The following KCNK2 variants were observed in gnomAD, a reference collection of about 807,000 sequenced individuals.
KCNK2 encodes the protein potassium channel subfamily K member 2.
KCNK2 carries 21 observed loss-of-function variants against 40.5 expected under a neutral mutation model. The observed-to-expected ratio is 0.52, with a 90% CI of 0.37 to 0.75. The LOEUF (loss-of-function observed/expected upper bound fraction) is 0.75. Among genes scored for constraint, KCNK2 ranks in the 30% least tolerant of loss-of-function variants. The pLI, the probability that KCNK2 is intolerant of heterozygous loss-of-function variation, is 0.00. For synonymous variants in KCNK2, 191 were observed against 202.2 expected (o/e 0.94, Z 0.47); for missense variants, 399 against 531.6 (o/e 0.75, Z 2.45).
chr1:215,222,725 C>T (rs1449416498), intron 6 of KCNK2, among the ~76,000 whole-genome samples: 1 of 132,964 alleles, frequency 7.5e-6, no homozygotes. Context: ...CTTAAATAAT[C>T]CTTTTAGGCT....
intron 1 of KCNK2, among the ~76,000 whole-genome samples, chr1:215,022,535 G>T (rs2102479302): frequency 6.6e-6 from 1 of 152,198 alleles, no homozygotes; most frequent in East Asian, 1.9e-4. Flanking sequence ...TTTTTTGGCT[G>T]AATACCTTAT....
At chr1:215,204,302 T>G (rs1038380866) in intron 6 of KCNK2, among the ~76,000 whole-genome samples, 1 of 151,804 alleles carries the variant, frequency 6.6e-6, no homozygotes, top group Non-Finnish European at 1.5e-5. Context: ...GGTTGAATTC[T>G]CAGTATAAAT....
intron 3 of KCNK2, among the ~76,000 whole-genome samples, chr1:215,142,574 T>G (rs1392837167): frequency 1.3e-5 from 2 of 152,192 alleles, no homozygotes; most frequent in East Asian, 3.9e-4. Flanking sequence ...ACGTTACTTG[T>G]TTTTACTTTG....
intron 1 of KCNK2, among the ~76,000 whole-genome samples, chr1:215,031,707 C>A (rs1657196094): frequency 6.6e-6 from 1 of 152,056 alleles, no homozygotes; most frequent in Non-Finnish European, 1.5e-5. Context: ...TTTCAAATTC[C>A]ACTTGTTCAT....
chr1:215,023,762 C>A (rs769379030), intron 1 of KCNK2, among the ~76,000 whole-genome samples: 3 of 152,206 alleles, frequency 2.0e-5, no homozygotes, highest in Non-Finnish European at 2.9e-5. Flanking sequence ...AAACACTTGG[C>A]TTTCCAGGTG....
At chr1:215,172,641 C>A (rs1663768675) in intron 5 of KCNK2, among the ~76,000 whole-genome samples, 2 of 151,716 alleles carry the variant, frequency 1.3e-5, no homozygotes. Flanking sequence ...TTTACAGGAG[C>A]CTTCTATTAT....
intron 1 of KCNK2, among the ~76,000 whole-genome samples, chr1:215,026,946 T>C (rs377300865): frequency 6.6e-6 from 1 of 152,098 alleles, no homozygotes; most frequent in African/African-American, 2.4e-5. Context: ...TTTTCATTCT[T>C]ACAACAGGAT....
intron 6 of KCNK2, among the ~76,000 whole-genome samples, chr1:215,232,553 G>A (rs1280680033): frequency 6.6e-6 from 1 of 152,134 alleles, no homozygotes; most frequent in Non-Finnish European, 1.5e-5. Context: ...GGTACTTATT[G>A]GAAATGTGCC....
chr1:215,171,947 C>T (rs1558123886), intron 4 of KCNK2, 50 bp from the exon 5 acceptor site: 9 of 1,183,800 alleles, frequency 7.6e-6, no homozygotes, highest in South Asian at 1.7e-5. Context: ...TCTCTCCCCC[C>T]ATTTATATAC....
intron 1 of KCNK2, among the ~76,000 whole-genome samples, chr1:215,022,630 C>T (rs571028620): frequency 2.8e-4 from 43 of 152,216 alleles, no homozygotes; most frequent in African/African-American, 9.9e-4. Flanking sequence ...AGTTCCAGGT[C>T]ACGGGCTCCA....
At chr1:215,049,800 A>T (rs1400147590) in intron 1 of KCNK2, among the ~76,000 whole-genome samples, 2 of 152,094 alleles carry the variant, frequency 1.3e-5, no homozygotes, top group Non-Finnish European at 2.9e-5. Flanking sequence ...TTTGTGAAAA[A>T]TTAGTTGGGG....
Position 215,083,101 on chromosome 1 carries a change from G to A in KCNK2, c.-285G>A, listed in dbSNP as rs1659242976. The A allele has an allele frequency of 4.1e-6, 2 of 482,658 alleles. No individual in the cohort carries two copies. Among genetic ancestry groups the A allele is most frequent in the Non-Finnish European group, 7.0e-6 (2 of 284,020 alleles). 29.9% of individuals were successfully genotyped at this position (482,658 alleles called of 1,614,324 possible). ...GGCCCGGCAGCAGGCGCGCGCGGGGGCGGCGGCGCCCAAGCCCAACTTGGC... is the reference window on the plus strand; with the variant it reads ...GGCCCGGCAGCAGGCGCGCGCGGGGACGGCGGCGCCCAAGCCCAACTTGGC... On this transcript the variant is annotated 5_prime_UTR_variant, in exon 1 of 7. Transcript: ENST00000444842.
At chr1:215,205,623 G>C (rs1019615393) in intron 6 of KCNK2, among the ~76,000 whole-genome samples, 4 of 152,276 alleles carry the variant, frequency 2.6e-5, no homozygotes, top group Admixed American at 2.6e-4. Context: ...GATCATGGAT[G>C]CCATGTCAGC....
rs183304829 is a variant in KCNK2, at chr1:215,160,065, A to G, written c.476-9134A>G. 8.5e-4 allele frequency among the ~76,000 whole-genome samples: 130 copies of G among 152,370 alleles called. 1 individual carries two copies. Among genetic ancestry groups the G allele is most frequent in the African/African-American group, 3.0e-3 (124 of 41,592 alleles). ...CTATTCTGGGAGATTAAAGGAAACT[A>G]AACAGATATGCCAGTTAAATACAAT... On this transcript the variant is annotated intron_variant, in intron 3 of 6. Transcript: ENST00000444842.
chr1:215,226,345 G>A (rs866680089), intron 6 of KCNK2, among the ~76,000 whole-genome samples: 3 of 151,900 alleles, frequency 2.0e-5, no homozygotes, highest in African/African-American at 7.3e-5. Flanking sequence ...TTTGTTTTTT[G>A]AGACAGCGTC....
At chr1:215,077,253 A>G (rs1173933908) in intron 1 of KCNK2, among the ~76,000 whole-genome samples, 1 of 152,166 alleles carries the variant, frequency 6.6e-6, no homozygotes, top group East Asian at 1.9e-4. Flanking sequence ...TGCCTTTGGA[A>G]GGACATCAGA....
chr1:215,031,630 T>G (rs1444663793), intron 1 of KCNK2, among the ~76,000 whole-genome samples: 1 of 142,382 alleles, frequency 7.0e-6, no homozygotes, highest in Non-Finnish European at 1.6e-5. Flanking sequence ...TGAAACAATA[T>G]GAAATCTTAA....
intron 3 of KCNK2, among the ~76,000 whole-genome samples, chr1:215,134,395 A>C (rs1019737912): frequency 4.6e-5 from 7 of 152,184 alleles, no homozygotes; most frequent in Admixed American, 1.3e-4. Flanking sequence ...GACATTTACC[A>C]GTTTATTACA....
chr1:215,082,586 C>G (rs1659208599), upstream of KCNK2, among the ~76,000 whole-genome samples: 2 of 151,966 alleles, frequency 1.3e-5, no homozygotes, highest in Admixed American at 6.5e-5. Flanking sequence ...GGTTGTGCCC[C>G]CAGGAAGAGG....
Sources: allele counts gnomAD v4.1 joint callset (sites outside exome capture counted in the v4.1 genomes callset), GRCh38; gene constraint gnomAD v4.1.1; transcripts MANE v1.5; gene names NCBI Gene and HGNC (gene_info 2026-07-23, HGNC 2026-07-21).